PKP4: variants seen among roughly 807,000 people sequenced by gnomAD.
PKP4 encodes the protein plakophilin-4.
Under a neutral mutation model 145.1 loss-of-function variants are expected in PKP4, and 90 were observed. The ratio of observed to expected loss-of-function variants is 0.62; its 90% CI spans 0.52 to 0.74. PKP4 has a LOEUF of 0.74. Among genes scored for constraint, PKP4 ranks in the 30% least tolerant of loss-of-function variants. The pLI is 0.00. For missense variants in PKP4, 1,340 were observed against 1,482.7 expected (o/e 0.90, Z 1.58); for synonymous variants, 563 against 577.2 (o/e 0.98, Z 0.35).
Position 158,634,068 on chromosome 2 carries a change from A to G in PKP4, c.1343-2A>G, listed in dbSNP as rs1475278429. ...ATCTTTTTCAAAATGTTGACTTTCT[A>G]GTAGGTATTGGAAATCTACAAAGGA... On this transcript the variant is annotated splice_acceptor_variant, in intron 8 of 21. Coordinates refer to ENST00000389759, the MANE Select transcript of PKP4 (RefSeq NM_003628.6). LOFTEE classifies it high-confidence loss of function. The G allele has an allele frequency of 6.5e-7, 1 of 1,550,152 alleles. No individual in the cohort carries two copies. The highest frequency in any genetic ancestry group is 8.9e-7 in the Non-Finnish European group (1 of 1,121,834).
Position 158,606,938 on chromosome 2 carries a change from C to T in PKP4, c.280+3834C>T, listed in dbSNP as rs939528865. ...TATAAGGGAAAATCATAAGTATATACGTATTTACCCATATCTCTAGTATCG... is the reference window on the plus strand; with the variant it reads ...TATAAGGGAAAATCATAAGTATATATGTATTTACCCATATCTCTAGTATCG... On this transcript the variant is annotated intron_variant, in intron 4 of 21. Coordinates refer to ENST00000389759, the MANE Select transcript of PKP4 (RefSeq NM_003628.6). Among the ~76,000 whole-genome samples the T allele has an allele frequency of 2.1e-4, 32 of 152,154 alleles. No homozygotes were observed. In the Middle Eastern group the frequency reaches 0.014, roughly 65 times the overall value.
Position 158,642,494 on chromosome 2 carries a change from G to C in PKP4, c.1704G>C (p.Arg568Ser). ...AATATTTTTCATTCTAGGTGTGTAGGTTAGGGGGAATCAAGCATCTGGTTG... is the reference window on the plus strand; with the variant it reads ...AATATTTTTCATTCTAGGTGTGTAGCTTAGGGGGAATCAAGCATCTGGTTG... ...GDNKVKMEVC[R>S]LGGIKHLVDL... Residue 568 changes from arginine to serine, a missense_variant, in exon 11 of 22, where the codon AGG (arginine) becomes AGC (serine). Transcript: ENST00000389759. The C allele has an allele frequency of 3.1e-6, 5 of 1,608,416 alleles. No individual in the cohort carries two copies. Among genetic ancestry groups the C allele is most frequent in the Non-Finnish European group, 4.3e-6 (5 of 1,175,694 alleles).
chr2:158,523,912 C>T (rs921887539), intron 1 of PKP4, among the ~76,000 whole-genome samples: 12 of 134,166 alleles, frequency 8.9e-5, no homozygotes, highest in Non-Finnish European at 1.7e-4. Flanking sequence ...TGAAATGAAG[C>T]GAGAAGGGAA....
chr2:158,497,462 A>G (rs1695910137), intron 1 of PKP4, among the ~76,000 whole-genome samples: 1 of 152,154 alleles, frequency 6.6e-6, no homozygotes, highest in Admixed American at 6.5e-5. Flanking sequence ...GAGAAAATAG[A>G]TACTGATTTA....
intron 2 of PKP4, among the ~76,000 whole-genome samples, chr2:158,562,648 T>G (rs535519600): frequency 2.0e-5 from 3 of 152,198 alleles, no homozygotes; most frequent in Non-Finnish European, 4.4e-5. Flanking sequence ...TTTGTCACAG[T>G]AAAAATATAT....
intron 17 of PKP4, among the ~76,000 whole-genome samples, chr2:158,671,683 A>G (rs1020986394): frequency 2.0e-5 from 3 of 152,234 alleles, no homozygotes; most frequent in Non-Finnish European, 2.9e-5. Flanking sequence ...GCAGCAGCAG[A>G]CAGGTCGCAT....
At chr2:158,489,709 T>C (rs1164451536) in intron 1 of PKP4, among the ~76,000 whole-genome samples, 1 of 152,254 alleles carries the variant, frequency 6.6e-6, no homozygotes, top group Non-Finnish European at 1.5e-5. Context: ...AAACCTTATG[T>C]TATTCATGTC....
chr2:158,586,497 T>C (rs904014857), intron 3 of PKP4, among the ~76,000 whole-genome samples: 1 of 152,224 alleles, frequency 6.6e-6, no homozygotes, highest in African/African-American at 2.4e-5. Flanking sequence ...TAAAGCTCCC[T>C]AACTTCATTT....
At chr2:158,677,263 C>A in intron 20 of PKP4, 1 of 268,798 alleles carries the variant, frequency 3.7e-6, no homozygotes, top group East Asian at 8.1e-5. Flanking sequence ...TCTAGACTGG[C>A]TCATCTCTTA....
chr2:158,582,202 G>A (rs1375445336), intron 3 of PKP4, among the ~76,000 whole-genome samples: 1 of 152,094 alleles, frequency 6.6e-6, no homozygotes, highest in Admixed American at 6.5e-5. Flanking sequence ...TTTGGTTTTG[G>A]AATGAATTAA....
intron 1 of PKP4, among the ~76,000 whole-genome samples, chr2:158,477,964 A>G (rs1692754246): frequency 6.6e-6 from 1 of 152,194 alleles, no homozygotes; most frequent in African/African-American, 2.4e-5. Context: ...CATATATATA[A>G]CTGATAAGCC....
chr2:158,678,430 C>T (rs1295818063), intron 20 of PKP4, 151 bp from the exon 21 acceptor site: 1 of 653,062 alleles, frequency 1.5e-6, no homozygotes, highest in African/African-American at 1.8e-5. Flanking sequence ...ATCCAGGGAC[C>T]CTGAGCTGCT....
chr2:158,529,515 A>T (rs1051947540), intron 1 of PKP4, among the ~76,000 whole-genome samples: 1 of 152,182 alleles, frequency 6.6e-6, no homozygotes, highest in Non-Finnish European at 1.5e-5. Context: ...TCTTGAATGG[A>T]TACAGTGTGT....
intron 3 of PKP4, among the ~76,000 whole-genome samples, chr2:158,585,590 T>C (rs902513931): frequency 1.3e-5 from 2 of 152,204 alleles, no homozygotes; most frequent in African/African-American, 2.4e-5. Context: ...CCTCTTCAAA[T>C]AATGTATTCT....
At chr2:158,565,195 C>T (rs1274105419) in intron 2 of PKP4, among the ~76,000 whole-genome samples, 1 of 152,134 alleles carries the variant, frequency 6.6e-6, no homozygotes, top group Non-Finnish European at 1.5e-5. Context: ...AGATGGCATT[C>T]ATTCAGTACT....
At position 158,616,668 on chromosome 2, in the gene PKP4, A is replaced by G. The variant is rs889118596; in HGVS notation, c.281-4322A>G. Reference sequence around the variant, plus strand: ...GTAAGGGCAAACCCCTAAACACCATAGCAACTCAGAACAGACTCAAACAAG... The same window carrying G: ...GTAAGGGCAAACCCCTAAACACCATGGCAACTCAGAACAGACTCAAACAAG... On this transcript the variant is annotated intron_variant, in intron 4 of 21. Transcript: ENST00000389759. 3.3e-5 allele frequency among the ~76,000 whole-genome samples: 5 copies of G among 152,168 alleles called. 1 individual carries two copies. The highest frequency in any genetic ancestry group is 1.2e-4 in the African/African-American group (5 of 41,436).
chr2:158,625,321 T>C lies in PKP4; in HGVS notation c.1047T>C (p.His349=), dbSNP rs2052667262. ...KRSGMTAVPQ[H]LGPSLQRTVH... is the part of the protein sequence containing the mutation. ...CAGGGATGACCGCCGTACCACAGCA[T>C]CTGGGACCTTCACTGCAAAGGACTG... is the stretch of plus-strand genomic sequence containing the variant. The change falls in exon 7 of 22, where the codon CAT becomes CAC. Residue 349 remains histidine, a synonymous_variant. Transcript: ENST00000389759. The C allele has an allele frequency of 2.5e-6, 4 of 1,614,176 alleles. No individual in the cohort carries two copies. Among genetic ancestry groups the C allele is most frequent in the Non-Finnish European group, 3.4e-6 (4 of 1,180,024 alleles).
At chr2:158,595,406 T>A (rs1316194878) in intron 3 of PKP4, among the ~76,000 whole-genome samples, 1 of 152,066 alleles carries the variant, frequency 6.6e-6, no homozygotes, top group East Asian at 1.9e-4. Flanking sequence ...GAATGCCTGG[T>A]CTTAATAAGA....
chr2:158,525,703 T>C (rs1229097006), intron 1 of PKP4, among the ~76,000 whole-genome samples: 3 of 143,808 alleles, frequency 2.1e-5, no homozygotes, highest in African/African-American at 7.9e-5. Flanking sequence ...GAGCTGGTTT[T>C]TTGAAAGGAT....
Sources: gnomAD v4.1 joint callset for allele counts (sites outside exome capture counted in the v4.1 genomes callset) on GRCh38, gnomAD v4.1.1 for gene constraint, MANE v1.5 for transcripts, NCBI Gene and HGNC (gene_info 2026-07-23, HGNC 2026-07-21) for gene names.